Variants in ACTR3 observed in about 807,000 individuals in gnomAD.
ACTR3 encodes the protein actin related protein 3.
Under a neutral mutation model 56.8 loss-of-function variants are expected in ACTR3, and 12 were observed. The ratio of observed to expected loss-of-function variants is 0.21; its 90% confidence interval spans 0.14 to 0.34. The LOEUF is 0.34. ACTR3 is among the 10% of genes least tolerant of loss of function. ACTR3 has a pLI of 1.00. For synonymous variants in ACTR3, 162 were observed against 167.4 expected (o/e 0.97, Z 0.25); for missense variants, 282 against 512.5 (o/e 0.55, Z 4.34).
chr2:113,890,033 A>AGT, upstream of ACTR3: 1 of 572,130 alleles, frequency 1.7e-6, no homozygotes, highest in Non-Finnish European at 3.1e-6. Flanking sequence ...GGAGGAGGGA[A>AGT]GAGAGAGGGG....
At chr2:113,927,123 T>C (rs1207493768) in intron 3 of ACTR3, among the ~76,000 whole-genome samples, 1 of 152,188 alleles carries the variant, frequency 6.6e-6, no homozygotes, top group Non-Finnish European at 1.5e-5. Flanking sequence ...TTTTGACATA[T>C]TCACTTTGTT....
chr2:113,950,145 G>A (rs921717923), intron 8 of ACTR3, among the ~76,000 whole-genome samples: 4 of 152,122 alleles, frequency 2.6e-5, no homozygotes, highest in African/African-American at 2.4e-5. Context: ...CTTGTTTCAT[G>A]TGTGTTTCTT....
intron 6 of ACTR3, among the ~76,000 whole-genome samples, chr2:113,939,180 T>G (rs1305412458): frequency 1.3e-5 from 2 of 151,694 alleles, no homozygotes; most frequent in African/African-American, 4.8e-5. Flanking sequence ...CGCGCCACCA[T>G]GCCCGGCTAA....
At chr2:113,898,184 G>A (rs1392072152) in intron 1 of ACTR3, among the ~76,000 whole-genome samples, 1 of 151,936 alleles carries the variant, frequency 6.6e-6, no homozygotes, top group Non-Finnish European at 1.5e-5. Flanking sequence ...TAAATCTAGT[G>A]TGCTTCTGCT....
intron 8 of ACTR3, among the ~76,000 whole-genome samples, chr2:113,942,998 A>G (rs1027701240): frequency 5.9e-5 from 9 of 152,212 alleles, no homozygotes; most frequent in African/African-American, 1.7e-4. Context: ...TCACTCAGCA[A>G]ATGTTAAATG....
intron 3 of ACTR3, among the ~76,000 whole-genome samples, chr2:113,921,782 C>T (rs1679516469): frequency 6.6e-6 from 1 of 151,990 alleles, no homozygotes. Context: ...TTGTTAGAGT[C>T]AAATATGTGG....
intron 6 of ACTR3, among the ~76,000 whole-genome samples, chr2:113,938,493 T>C (rs934960058): frequency 2.0e-5 from 3 of 152,230 alleles, no homozygotes; most frequent in Non-Finnish European, 2.9e-5. Flanking sequence ...TCCTTTTAAA[T>C]GTTATTAAGC....
rs957288767 is a variant in ACTR3, at chr2:113,913,155, A to G, written c.45-17A>G. The G allele has an allele frequency of 2.9e-5, 43 of 1,502,194 alleles. No homozygotes were observed. Among genetic ancestry groups the G allele is most frequent in the Non-Finnish European group, 3.5e-5 (38 of 1,100,770 alleles). 93.1% of individuals were successfully genotyped at this position (1,502,194 alleles called of 1,614,324 possible). A position where few individuals can be genotyped will look rare whatever the true frequency, so the allele number is the denominator to read the frequency against. On this transcript the variant is annotated splice_polypyrimidine_tract_variant and intron_variant, in intron 1 of 11. Coordinates refer to ENST00000263238, the MANE Select transcript of ACTR3 (RefSeq NM_005721.5). ...TAAAATATTAGTGAAATCTTTATAAATTATTTTGTTTTGCAGGTATACAAA... is the reference window on the plus strand; with the variant it reads ...TAAAATATTAGTGAAATCTTTATAAGTTATTTTGTTTTGCAGGTATACAAA...
intron 5 of ACTR3, 67 bp from the exon 6 acceptor site, chr2:113,934,212 G>C (rs1250246577): frequency 9.8e-7 from 1 of 1,024,892 alleles, no homozygotes; most frequent in Non-Finnish European, 1.4e-6. Flanking sequence ...TTTTTTTTTC[G>C]ATTAACTCTT....
chr2:113,920,576 A>G (rs1373306164), intron 3 of ACTR3, among the ~76,000 whole-genome samples: 4 of 152,240 alleles, frequency 2.6e-5, no homozygotes, highest in East Asian at 1.9e-4. Flanking sequence ...GCTATAGAAC[A>G]CTAGAACTTA....
At chr2:113,907,923 G>A (rs1288744397) in intron 1 of ACTR3, among the ~76,000 whole-genome samples, 6 of 139,280 alleles carry the variant, frequency 4.3e-5, no homozygotes, top group Non-Finnish European at 9.0e-5. Context: ...GTGGTGAGCC[G>A]AGATCTCGCC....
chr2:113,944,514 C>T (rs951846455), intron 8 of ACTR3, among the ~76,000 whole-genome samples: 19 of 143,668 alleles, frequency 1.3e-4, no homozygotes, highest in Admixed American at 1.2e-3. Context: ...AAATTGAGGC[C>T]GAAGCGGGCA....
intron 1 of ACTR3, chr2:113,890,680 C>T: frequency 2.6e-6 from 3 of 1,162,726 alleles, no homozygotes; most frequent in Non-Finnish European, 3.2e-6. Context: ...TCCGGCTTTC[C>T]TTTCCCTCCG....
chr2:113,897,320 A>G (rs1028409121), intron 1 of ACTR3, among the ~76,000 whole-genome samples: 1 of 152,140 alleles, frequency 6.6e-6, no homozygotes, highest in African/African-American at 2.4e-5. Flanking sequence ...AACGTAACCT[A>G]CATAATTGAC....
At chr2:113,930,139 T>A (rs184050076) in intron 4 of ACTR3, among the ~76,000 whole-genome samples, 1 of 152,324 alleles carries the variant, frequency 6.6e-6, no homozygotes, top group Non-Finnish European at 1.5e-5. Context: ...GGTCCTCTGA[T>A]TATCTTTTAT....
At chr2:113,901,452 AGTAGGCATTGG>A (rs1679097849) in intron 1 of ACTR3, among the ~76,000 whole-genome samples, 1 of 152,230 alleles carries the variant, frequency 6.6e-6, no homozygotes, top group African/African-American at 2.4e-5. Flanking sequence ...ATATTATGGG[AGTAGGCATTGG>A]GATCAATTAG....
intron 6 of ACTR3, among the ~76,000 whole-genome samples, chr2:113,937,728 A>G (rs969319893): frequency 6.6e-6 from 1 of 152,090 alleles, no homozygotes; most frequent in Admixed American, 6.5e-5. Flanking sequence ...TGTTTCTTTG[A>G]ATGTAATGTT....
At chr2:113,937,591 C>T (rs896298720) in intron 6 of ACTR3, among the ~76,000 whole-genome samples, 1 of 152,164 alleles carries the variant, frequency 6.6e-6, no homozygotes, top group African/African-American at 2.4e-5. Flanking sequence ...AGTCTTTATT[C>T]TCCTTTAGTT....
At chr2:113,926,048 A>T (rs978782923) in intron 3 of ACTR3, among the ~76,000 whole-genome samples, 14 of 152,214 alleles carry the variant, frequency 9.2e-5, no homozygotes, top group Admixed American at 9.2e-4. Flanking sequence ...ACTTGAAAAA[A>T]ATAAGACACT....
Sources: gnomAD v4.1 joint callset for allele counts (sites outside exome capture counted in the v4.1 genomes callset) on GRCh38, gnomAD v4.1.1 for gene constraint, MANE v1.5 for transcripts, NCBI Gene and HGNC (gene_info 2026-07-23, HGNC 2026-07-21) for gene names.